ACOT12: variants seen among roughly 807,000 people sequenced by gnomAD.
The protein encoded by ACOT12 is acyl-CoA thioesterase 12.
In ACOT12, 51 loss-of-function variants were observed where a neutral mutation model predicts 67.7. The observed-to-expected ratio is 0.75, with a 90% CI of 0.60 to 0.95. The LOEUF (loss-of-function observed/expected upper bound fraction) is 0.95. Among genes scored for constraint, ACOT12 ranks in the 40% least tolerant of loss-of-function variants. ACOT12 has a pLI of 0.00. For synonymous variants in ACOT12, 251 were observed against 244.6 expected (o/e 1.03, Z -0.24); for missense variants, 734 against 708.1 (o/e 1.04, Z -0.41).
rs1312710667 is a variant in ACOT12, at chr5:81,344,184, G to A, written c.956C>T (p.Ala319Val). The change falls in exon 9 of 15, where the codon GCA (alanine) becomes GTA (valine). Residue 319 changes from alanine (A) to valine (V), a missense_variant. By Grantham distance (64) the Ala-to-Val change is moderately conservative (BLOSUM62 0). Coordinates refer to ENST00000307624, the MANE Select transcript of ACOT12 (RefSeq NM_130767.3). ...CCTGCCTAGGCGAATTCGCTTGCGTGCAATAGCTCCCCGATAGCGTCTGAA... is the reference window on the plus strand; with the variant it reads ...CCTGCCTAGGCGAATTCGCTTGCGTACAATAGCTCCCCGATAGCGTCTGAA... Reference protein sequence around the residue: ...DDFRRYRGAIARKRIRLGRKY... With the variant: ...DDFRRYRGAIVRKRIRLGRKY... 3.7e-6 allele frequency: 6 copies of A among 1,613,634 alleles called. No individual in the cohort carries two copies. Among genetic ancestry groups the A allele is most frequent in the African/African-American group, 1.3e-5 (1 of 74,934 alleles).
At chr5:81,320,744 A>C in the ACOT12 span, among the ~76,000 whole-genome samples, 61 of 152,288 alleles carry the variant, frequency 4.0e-4, 1 homozygote, top group South Asian at 0.013. Context: ...TCCTGCAAAC[A>C]TTTCAGGTTT....
In ACOT12 at chr5:81,330,246, A is replaced by G. The variant is rs557861918; in HGVS notation, c.*148T>C. The G allele has an allele frequency of 2.5e-4, 196 of 790,242 alleles. 1 individual carries two copies. In the South Asian group the frequency reaches 4.4e-3, roughly 18 times the overall value. 49.0% of individuals were successfully genotyped at this position (790,242 alleles called of 1,614,324 possible). A position where few individuals can be genotyped will look rare whatever the true frequency, so the allele number is the denominator to read the frequency against. ...CCAAATCACTGGTATTTGACTTAAG[A>G]TGCATTTTGTTTTTTAACTCCGTCA... On this transcript the variant is annotated 3_prime_UTR_variant, in exon 15 of 15. Coordinates refer to ENST00000307624, the MANE Select transcript of ACOT12 (RefSeq NM_130767.3).
At chr5:81,385,531 A>C (rs1263585361) in intron 2 of ACOT12, among the ~76,000 whole-genome samples, 1 of 152,200 alleles carries the variant, frequency 6.6e-6, no homozygotes, top group African/African-American at 2.4e-5. Flanking sequence ...TAAGGCTGAG[A>C]GCTATTTCTC....
At chr5:81,360,116 A>G in intron 4 of ACOT12, 78 bp from the exon 5 acceptor site, 1 of 1,426,650 alleles carries the variant, frequency 7.0e-7, no homozygotes, top group Non-Finnish European at 9.6e-7. Flanking sequence ...AAAACAAATG[A>G]TATGCTACAT....
chr5:81,314,885 C>A, the ACOT12 span, among the ~76,000 whole-genome samples: 2 of 152,078 alleles, frequency 1.3e-5, no homozygotes, highest in East Asian at 3.9e-4. Context: ...AATCGTAGCT[C>A]ACTGAAGCCT....
chr5:81,348,934 T>A (rs1283727139), intron 5 of ACOT12, among the ~76,000 whole-genome samples: 26 of 152,348 alleles, frequency 1.7e-4, no homozygotes, highest in Non-Finnish European at 4.4e-5. Context: ...AATGGAAAAA[T>A]CATTTACTCT....
chr5:81,386,786 A>G (rs192462726), intron 1 of ACOT12, among the ~76,000 whole-genome samples: 1 of 152,274 alleles, frequency 6.6e-6, no homozygotes, highest in Non-Finnish European at 1.5e-5. Context: ...CCTAGGTAAG[A>G]AGACATGAGA....
At chr5:81,343,732 A>C in intron 10 of ACOT12, 86 bp downstream of exon 10, 1 of 1,352,590 alleles carries the variant, frequency 7.4e-7, no homozygotes, top group Non-Finnish European at 1.0e-6. Flanking sequence ...CTGCGTAGGC[A>C]CAGCCTAGGC....
rs542437035 is a variant in ACOT12, at chr5:81,374,049, C to T, written c.198-2239G>A. On this transcript the variant is annotated intron_variant, in intron 2 of 14. Coordinates refer to ENST00000307624, the MANE Select transcript of ACOT12 (RefSeq NM_130767.3). ...CCCCGTGTATCCTGACTGGGAGACA[C>T]CTCCCAGTAGGGGCCGACAGACACC... Among the ~76,000 whole-genome samples the T allele has an allele frequency of 6.6e-5, 10 of 152,310 alleles. No homozygotes were observed. In the East Asian group the frequency reaches 1.7e-3, roughly 27 times the overall value.
At chr5:81,348,213 A>G (rs1759441966) in intron 5 of ACOT12, among the ~76,000 whole-genome samples, 1 of 152,188 alleles carries the variant, frequency 6.6e-6, no homozygotes, top group Admixed American at 6.5e-5. Context: ...GAATGGTTAC[A>G]CTGAAACTTG....
downstream of ACOT12, among the ~76,000 whole-genome samples, chr5:81,326,461 T>A (rs1758678101): frequency 6.6e-6 from 1 of 152,116 alleles, no homozygotes; most frequent in African/African-American, 2.4e-5. Flanking sequence ...TATTGTTTTG[T>A]GGATGTTGAC....
At chr5:81,358,370 A>C (rs1178662728) in intron 5 of ACOT12, among the ~76,000 whole-genome samples, 1 of 152,126 alleles carries the variant, frequency 6.6e-6, no homozygotes, top group Non-Finnish European at 1.5e-5. Context: ...TTTGTTTTTT[A>C]TTAATGGTTG....
intron 5 of ACOT12, among the ~76,000 whole-genome samples, chr5:81,356,689 A>T (rs996205353): frequency 1.3e-5 from 2 of 151,856 alleles, no homozygotes; most frequent in African/African-American, 2.4e-5. Flanking sequence ...AGCTGCTCCA[A>T]GCAGACACCC....
chr5:81,347,057 A>C (rs1759403246), intron 6 of ACOT12, among the ~76,000 whole-genome samples: 1 of 152,130 alleles, frequency 6.6e-6, no homozygotes, highest in Non-Finnish European at 1.5e-5. Flanking sequence ...TTTGGCCATA[A>C]TTATTTTTAA....
intron 6 of ACOT12, 118 bp downstream of exon 6, chr5:81,347,656 A>C: frequency 8.8e-7 from 1 of 1,137,938 alleles, no homozygotes; most frequent in Non-Finnish European, 1.2e-6. Context: ...TATAAAAGGC[A>C]ACATTTTCCT....
At chr5:81,380,705 T>C (rs1019078462) in intron 2 of ACOT12, among the ~76,000 whole-genome samples, 4 of 152,128 alleles carry the variant, frequency 2.6e-5, no homozygotes, top group Admixed American at 2.6e-4. Context: ...TGTTCATCAG[T>C]GGAGGGCCAG....
At chr5:81,365,568 T>C (rs1052746748) in intron 3 of ACOT12, among the ~76,000 whole-genome samples, 2 of 152,254 alleles carry the variant, frequency 1.3e-5, no homozygotes, top group Admixed American at 6.5e-5. Context: ...TAGTTATATG[T>C]GATTACCAAA....
At chr5:81,347,721 T>C (rs1199546960) in intron 6 of ACOT12, 53 bp downstream of exon 6, 2 of 1,584,564 alleles carry the variant, frequency 1.3e-6, no homozygotes, top group Admixed American at 3.5e-5. Context: ...AGTCCCTTTC[T>C]ACTTTCTCCT....
intron 5 of ACOT12, among the ~76,000 whole-genome samples, chr5:81,352,416 TATTCAGCCATAAA>T (rs1759580955): frequency 6.6e-6 from 1 of 152,294 alleles, no homozygotes; most frequent in East Asian, 1.9e-4. Flanking sequence ...AACAGAATAC[TATTCAGCCATAAA>T]AAAGAATGAG....
Sources: gnomAD v4.1 joint callset for allele counts (sites outside exome capture counted in the v4.1 genomes callset) on GRCh38, gnomAD v4.1.1 for gene constraint, MANE v1.5 for transcripts, NCBI Gene and HGNC (gene_info 2026-07-23, HGNC 2026-07-21) for gene names.